The following AMPD3 variants were observed in gnomAD, a reference collection of about 807,000 sequenced individuals.
AMPD3 encodes the protein AMP deaminase 3.
Under a neutral mutation model 82.3 loss-of-function variants are expected in AMPD3, and 57 were observed. The observed-to-expected ratio is 0.69, with a 90% CI of 0.56 to 0.86. AMPD3 has a LOEUF of 0.86. Ranked by LOEUF, AMPD3 falls within the 40% of genes least tolerant of loss-of-function variation. AMPD3 has a pLI of 0.00. For synonymous variants in AMPD3, 381 were observed against 394.7 expected (o/e 0.97, Z 0.41); for missense variants, 870 against 1,003.8 (o/e 0.87, Z 1.80).
chr11:10,497,202 A>G (rs1849431379), intron 10 of AMPD3, among the ~76,000 whole-genome samples: 1 of 152,116 alleles, frequency 6.6e-6, no homozygotes, highest in Non-Finnish European at 1.5e-5. Context: ...AGGGAAGGCA[A>G]CAGTGGGCAA....
At chr11:10,482,805 TGTGAGTCACTGC>T (rs1261671870) in intron 4 of AMPD3, among the ~76,000 whole-genome samples, 1 of 152,204 alleles carries the variant, frequency 6.6e-6, no homozygotes, top group African/African-American at 2.4e-5. Flanking sequence ...GGATTATAGA[TGTGAGTCACTGC>T]GCCTGGCCTC....
At chr11:10,502,559 C>T (rs1300610975) in intron 12 of AMPD3, 162 bp from the exon 13 acceptor site, 6 of 984,998 alleles carry the variant, frequency 6.1e-6, no homozygotes, top group Non-Finnish European at 7.2e-6. Flanking sequence ...GAGAGTGGGT[C>T]TGAGTGTCCT....
At chr11:10,497,547 G>A in intron 10 of AMPD3, 1 of 984,538 alleles carries the variant, frequency 1.0e-6, no homozygotes, top group Non-Finnish European at 1.2e-6. Flanking sequence ...CCTGGTGATG[G>A]ATGACTTTCT....
At chr11:10,493,238 C>T (rs1005876504) in intron 6 of AMPD3, 111 bp from the exon 7 acceptor site, 18 of 1,281,466 alleles carry the variant, frequency 1.4e-5, no homozygotes, top group African/African-American at 5.8e-5. Context: ...TGGGGCTGCC[C>T]GGATGGCCCA....
chr11:10,476,876 C>T (rs1332180194), intron 2 of AMPD3: 12 of 976,980 alleles, frequency 1.2e-5, no homozygotes, highest in Non-Finnish European at 1.5e-5. Context: ...AGGCTGGGGG[C>T]TCCCAGGGCT....
intron 1 of AMPD3, among the ~76,000 whole-genome samples, chr11:10,457,431 T>C (rs1024090204): frequency 6.6e-6 from 1 of 152,092 alleles, no homozygotes; most frequent in African/African-American, 2.4e-5. Context: ...TGAGGGGCTG[T>C]GGAATGCAAC....
At position 10,474,518 on chromosome 11, in the gene AMPD3, T is replaced by C. The variant is rs529937606; in HGVS notation, c.222-4008T>C. The stretch of plus-strand genomic sequence containing the variant: ...AGGAGGGCTGGGGAGTGGAGCAGAG[T>C]AAGGGAGGGGACTTAGTGACTGTCA... On this transcript the variant is annotated intron_variant, in intron 2 of 14. Transcript: ENST00000396553. Among the ~76,000 whole-genome samples, 24 of 151,680 alleles carry C rather than the reference T, an allele frequency of 1.6e-4. No individual in the cohort carries two copies. In the South Asian group the frequency reaches 4.0e-3, roughly 25 times the overall value.
At chr11:10,460,618 A>G (rs968726673) in intron 1 of AMPD3, among the ~76,000 whole-genome samples, 1 of 152,110 alleles carries the variant, frequency 6.6e-6, no homozygotes, top group Non-Finnish European at 1.5e-5. Context: ...CATGTTGGCC[A>G]GGATGGTCTC....
intron 11 of AMPD3, 40 bp from the exon 12 acceptor site, chr11:10,501,429 TG>T (rs753150235): frequency 3.2e-5 from 51 of 1,607,692 alleles, no homozygotes; most frequent in African/African-American, 1.9e-4. Context: ...CAGAGCCAAC[TG>T]GGGGGGGCCT....
At position 10,507,020 on chromosome 11, in the gene AMPD3, CATTTTTAAAGATTAA is replaced by C. The variant is rs1351496426; in HGVS notation, c.*1137_*1151del. The C allele has an allele frequency of 1.3e-5, 2 of 152,550 alleles. No homozygotes were observed. Among genetic ancestry groups the C allele is most frequent in the Non-Finnish European group, 2.9e-5 (2 of 68,022 alleles). 9.4% of individuals were successfully genotyped at this position (152,550 alleles called of 1,614,324 possible). A position where few individuals can be genotyped will look rare whatever the true frequency, so the allele number is the denominator to read the frequency against. ...ATGGTCCCAGGGGCCAAGTAGAAAG[CATTTTTAAAGATTAA>C]TCTGAATTAAGCTTTATCAGTGTAC... On this transcript the variant is annotated 3_prime_UTR_variant, in exon 15 of 15. Coordinates refer to ENST00000396553, the MANE Select transcript of AMPD3 (RefSeq NM_001025389.2).
intron 1 of AMPD3, chr11:10,460,927 T>A (rs997587417): frequency 1.0e-6 from 1 of 985,238 alleles, no homozygotes; most frequent in Non-Finnish European, 1.2e-6. Flanking sequence ...AACCTTTATT[T>A]TATTTGCTGT....
intron 2 of AMPD3, among the ~76,000 whole-genome samples, chr11:10,466,451 G>A (rs528989327): frequency 6.6e-6 from 1 of 152,220 alleles, no homozygotes; most frequent in South Asian, 2.1e-4. Context: ...GGAACCCACC[G>A]CAGCTCAGCA....
At chr11:10,500,023 G>C in intron 10 of AMPD3, 63 bp from the exon 11 acceptor site, 1 of 1,606,996 alleles carries the variant, frequency 6.2e-7, no homozygotes, top group South Asian at 1.1e-5. Flanking sequence ...AGCTCTGGGA[G>C]GCTGAACCGA....
intron 3 of AMPD3, chr11:10,479,882 G>A: frequency 1.0e-6 from 1 of 985,096 alleles, no homozygotes; most frequent in Non-Finnish European, 1.2e-6. Context: ...TCCCATGGAT[G>A]GGAGTTTAGG....
At chr11:10,479,757 C>G (rs4910144) in intron 3 of AMPD3, 196,011 of 327,376 alleles carry the variant, frequency 0.6, 58,885 homozygotes, top group East Asian at 0.74. Flanking sequence ...TTCCACTTAA[C>G]AATACATCTT....
At chr11:10,476,396 G>A (rs1848735782) in intron 2 of AMPD3, among the ~76,000 whole-genome samples, 1 of 152,118 alleles carries the variant, frequency 6.6e-6, no homozygotes, top group Admixed American at 6.5e-5. Flanking sequence ...CACTGGGGCA[G>A]AAGAACATTC....
intron 9 of AMPD3, chr11:10,496,261 T>G: frequency 1.0e-6 from 1 of 985,398 alleles, no homozygotes; most frequent in South Asian, 4.7e-5. Context: ...TGCAAAGGCC[T>G]TGGGGGAACT....
intron 7 of AMPD3, 122 bp downstream of exon 7, chr11:10,493,665 A>G (rs559964206): frequency 5.0e-5 from 56 of 1,118,170 alleles, no homozygotes; most frequent in Admixed American, 4.6e-4. Flanking sequence ...TTTCTCTTCT[A>G]TCTGACTGAG....
At chr11:10,502,012 G>A (rs1849594592) in intron 12 of AMPD3, 1 of 985,450 alleles carries the variant, frequency 1.0e-6, no homozygotes, top group South Asian at 4.7e-5. Context: ...GTTGTTGGAT[G>A]AAGGGTCTGC....
Sources: allele counts gnomAD v4.1 joint callset (sites outside exome capture counted in the v4.1 genomes callset), GRCh38; gene constraint gnomAD v4.1.1; transcripts MANE v1.5; gene names NCBI Gene and HGNC (gene_info 2026-07-23, HGNC 2026-07-21).